The following STX8 variants were observed in gnomAD, a reference collection of about 807,000 sequenced individuals.
STX8 encodes the protein syntaxin-8.
A neutral mutation model predicts 37.5 loss-of-function variants in STX8; 23 were observed. The ratio of observed to expected loss-of-function variants is 0.61; its 90% CI spans 0.44 to 0.87. The LOEUF (loss-of-function observed/expected upper bound fraction) is 0.87. Ranked by LOEUF, STX8 falls within the 40% of genes least tolerant of loss-of-function variation. STX8 has a pLI of 0.00. For synonymous variants in STX8, 115 were observed against 99.1 expected (o/e 1.16, Z -0.95); for missense variants, 313 against 284.7 (o/e 1.10, Z -0.71).
chr17:9,302,597 T>C lies in STX8; in HGVS notation c.644-51952A>G, dbSNP rs553881109. 2.0e-5 allele frequency among the ~76,000 whole-genome samples: 3 copies of C among 152,302 alleles called. No homozygotes were observed. The East Asian group carries it at 5.8e-4, about 29-fold the overall frequency. ...AAGCGGTGTGGCCCACTTCCAGGCA[T>C]GGACACATAAGCAGCACACACTTCA... On this transcript the variant is annotated intron_variant, in intron 7 of 7. Transcript: ENST00000306357.
At chr17:9,540,467 A>G (rs1906235378) in intron 4 of STX8, among the ~76,000 whole-genome samples, 2 of 152,324 alleles carry the variant, frequency 1.3e-5, no homozygotes, top group Admixed American at 6.5e-5. Context: ...TTGGGTCTAA[A>G]GCAATCCTAG....
At chr17:9,490,185 T>C (rs1301708128) in intron 6 of STX8, among the ~76,000 whole-genome samples, 5 of 152,180 alleles carry the variant, frequency 3.3e-5, no homozygotes, top group East Asian at 1.9e-4. Context: ...TATTTATTTA[T>C]GATAGATGAT....
chr17:9,395,942 T>A (rs1258812869), intron 6 of STX8, among the ~76,000 whole-genome samples: 1 of 152,134 alleles, frequency 6.6e-6, no homozygotes, highest in East Asian at 1.9e-4. Context: ...GAGGACACAG[T>A]GCAAAAAGCC....
rs141565113 is a variant in STX8, at chr17:9,322,011, T to C, written c.643+56541A>G. Among the ~76,000 whole-genome samples, 5 of 152,362 alleles carry C rather than the reference T, an allele frequency of 3.3e-5. No homozygotes were observed. The East Asian group carries it at 9.6e-4, about 29-fold the overall frequency. ...ATTTTCACAGAGTAAACATGTACTC[T>C]GGAACCTGAACTTTTTGGCTCATGA... On this transcript the variant is annotated intron_variant, in intron 7 of 7. Coordinates refer to ENST00000306357, the MANE Select transcript of STX8 (RefSeq NM_004853.3).
intron 7 of STX8, among the ~76,000 whole-genome samples, chr17:9,372,256 G>A (rs973974094): frequency 6.6e-6 from 1 of 151,558 alleles, no homozygotes; most frequent in Non-Finnish European, 1.5e-5. Flanking sequence ...CAGTGCCAAC[G>A]CTGCCCTTTC....
rs1016230357 is a variant in STX8, at chr17:9,287,615, G to T, written c.644-36970C>A. 6.1e-4 allele frequency among the ~76,000 whole-genome samples: 93 copies of T among 152,240 alleles called. 1 individual carries two copies. The highest frequency in any genetic ancestry group is 1.9e-3 in the African/African-American group (77 of 41,538). Reference sequence around the variant, plus strand: ...TCTCAGCAGTGATGGACTAAACAAAGACAAAAGAAATGCAGATAGTCCTGT... The same window carrying T: ...TCTCAGCAGTGATGGACTAAACAAATACAAAAGAAATGCAGATAGTCCTGT... On this transcript the variant is annotated intron_variant, in intron 7 of 7. Transcript: ENST00000306357.
At chr17:9,276,087 G>A (rs945382707) in intron 7 of STX8, among the ~76,000 whole-genome samples, 13 of 118,214 alleles carry the variant, frequency 1.1e-4, no homozygotes, top group African/African-American at 2.1e-4. Flanking sequence ...AGGTGGCTGC[G>A]GTTTCTATCT....
chr17:9,355,844 G>T (rs527286975), intron 7 of STX8, among the ~76,000 whole-genome samples: 5 of 152,136 alleles, frequency 3.3e-5, no homozygotes, highest in Admixed American at 3.3e-4. Flanking sequence ...TAGAGACAGG[G>T]TCTCGCTATT....
chr17:9,297,236 G>C (rs1908592269), intron 7 of STX8, among the ~76,000 whole-genome samples: 1 of 122,878 alleles, frequency 8.1e-6, no homozygotes, highest in Non-Finnish European at 1.7e-5. Flanking sequence ...TATGCCCAGA[G>C]TTTGCAAAAA....
chr17:9,352,625 G>T (rs941501568), intron 7 of STX8, among the ~76,000 whole-genome samples: 6 of 150,364 alleles, frequency 4.0e-5, no homozygotes, highest in Non-Finnish European at 7.4e-5. Flanking sequence ...TCAGCCTCCC[G>T]AGTAGCTGGG....
intron 6 of STX8, among the ~76,000 whole-genome samples, chr17:9,484,661 C>CAAAAA (rs61165957): frequency 1.5e-5 from 2 of 131,584 alleles, no homozygotes; most frequent in Non-Finnish European, 3.2e-5. Context: ...ACTAAAAATA[C>CAAAAA]AAAAAAAAAA....
chr17:9,321,861 G>A (rs1384320069), intron 7 of STX8, among the ~76,000 whole-genome samples: 2 of 152,190 alleles, frequency 1.3e-5, no homozygotes, highest in Non-Finnish European at 2.9e-5. Flanking sequence ...CCAAAAAACA[G>A]GAAAAGGAAA....
At chr17:9,332,981 C>T (rs932544743) in intron 7 of STX8, among the ~76,000 whole-genome samples, 4 of 152,222 alleles carry the variant, frequency 2.6e-5, no homozygotes, top group African/African-American at 9.6e-5. Flanking sequence ...GAGAACGAGA[C>T]ACAATACTTC....
At chr17:9,290,467 C>T (rs4791827) in intron 7 of STX8, among the ~76,000 whole-genome samples, 74,569 of 151,914 alleles carry the variant, frequency 0.49, 18,655 homozygotes, top group Middle Eastern at 0.53. Flanking sequence ...AGCACGTGTG[C>T]GCGTATACGC....
intron 6 of STX8, among the ~76,000 whole-genome samples, chr17:9,458,883 G>C (rs1905267662): frequency 6.8e-6 from 1 of 147,922 alleles, no homozygotes; most frequent in African/African-American, 2.5e-5. Flanking sequence ...AGGCTGGAGT[G>C]CAGTGGTGCA....
intron 4 of STX8, among the ~76,000 whole-genome samples, chr17:9,508,141 C>T (rs952063197): frequency 3.3e-5 from 5 of 151,800 alleles, no homozygotes; most frequent in Non-Finnish European, 5.9e-5. Flanking sequence ...CAGTGAGATA[C>T]AAGATAATAG....
chr17:9,321,447 T>G (rs1307563516), intron 7 of STX8, among the ~76,000 whole-genome samples: 1 of 151,730 alleles, frequency 6.6e-6, no homozygotes, highest in Non-Finnish European at 1.5e-5. Context: ...GGAGAATTGC[T>G]TGAACCCAGG....
At chr17:9,322,645 T>C (rs991209942) in intron 7 of STX8, among the ~76,000 whole-genome samples, 6 of 152,082 alleles carry the variant, frequency 3.9e-5, no homozygotes, top group Non-Finnish European at 7.4e-5. Context: ...CTGCATTGTA[T>C]GCTTCTTGTC....
chr17:9,290,839 C>T (rs1002247605), intron 7 of STX8, among the ~76,000 whole-genome samples: 2 of 152,238 alleles, frequency 1.3e-5, no homozygotes, highest in African/African-American at 4.8e-5. Flanking sequence ...CCAGGACGTA[C>T]ATGCTTCTTA....
Sources: allele counts gnomAD v4.1 joint callset (sites outside exome capture counted in the v4.1 genomes callset), GRCh38; gene constraint gnomAD v4.1.1; transcripts MANE v1.5; gene names NCBI Gene and HGNC (gene_info 2026-07-23, HGNC 2026-07-21).